The following DYSF variants were observed in gnomAD, a reference collection of about 807,000 sequenced individuals.
DYSF encodes the protein dysferlin.
Under a neutral mutation model 274.9 loss-of-function variants are expected in DYSF, and 212 were observed. The observed-to-expected ratio is 0.77, with a 90% CI of 0.69 to 0.86. DYSF has a LOEUF of 0.86. DYSF is among the 40% of genes least tolerant of loss of function. DYSF has a pLI of 0.00. For synonymous variants in DYSF, 1,091 were observed against 1,078.7 expected (o/e 1.01, Z -0.22); for missense variants, 2,666 against 2,783.2 (o/e 0.96, Z 0.95).
rs116099660 is a variant in DYSF, at chr2:71,565,452, G to A, written c.2565+1239G>A. On this transcript the variant is annotated intron_variant, in intron 24 of 55. Coordinates refer to ENST00000410020, the MANE Select transcript of DYSF (RefSeq NM_001130987.2). ...AGCATTCAAGGACTCCTCAGCCTAAGGCACCAGACTTTCATCCAGCCTAGT... is the reference window on the plus strand; with the variant it reads ...AGCATTCAAGGACTCCTCAGCCTAAAGCACCAGACTTTCATCCAGCCTAGT... Among the ~76,000 whole-genome samples, 1,043 of 152,152 alleles carry A rather than the reference G, an allele frequency of 6.9e-3. 16 individuals carry two copies. The highest frequency in any genetic ancestry group is 0.024 in the African/African-American group (990 of 41,510).
chr2:71,536,040 G>C (rs1410969270), intron 16 of DYSF, among the ~76,000 whole-genome samples: 1 of 152,180 alleles, frequency 6.6e-6, no homozygotes, highest in African/African-American at 2.4e-5. Context: ...ACCCAAGCCT[G>C]CTGTTTCCAA....
At chr2:71,460,221 C>G (rs565911429) in intron 1 of DYSF, among the ~76,000 whole-genome samples, 5 of 152,278 alleles carry the variant, frequency 3.3e-5, no homozygotes, top group Admixed American at 6.5e-5. Flanking sequence ...CCAGAAGTTC[C>G]CTTTGACAAC....
chr2:71,621,075 A>G (rs1449924712), intron 41 of DYSF, among the ~76,000 whole-genome samples: 1 of 152,078 alleles, frequency 6.6e-6, no homozygotes, highest in Admixed American at 6.5e-5. Context: ...TGGGGCCAAC[A>G]GTCTGCTCCT....
chr2:71,467,921 T>C (rs768974421), intron 1 of DYSF, among the ~76,000 whole-genome samples: 6 of 152,328 alleles, frequency 3.9e-5, no homozygotes, highest in Middle Eastern at 3.4e-3. Context: ...CTTTTCAGTC[T>C]GACCCATGAT....
chr2:71,492,709 C>G (rs867623481), intron 3 of DYSF, among the ~76,000 whole-genome samples: 2,173 of 115,122 alleles, frequency 0.019, 43 homozygotes, highest in South Asian at 0.08. Flanking sequence ...CCCCCCCCCC[C>G]TTTTCTTTCT....
intron 10 of DYSF, among the ~76,000 whole-genome samples, chr2:71,519,567 G>A (rs1194662122): frequency 6.6e-6 from 1 of 151,992 alleles, no homozygotes; most frequent in Non-Finnish European, 1.5e-5. Context: ...GTAAAACACA[G>A]GAAGGAATAA....
At position 71,616,723 on chromosome 2, in the gene DYSF, A is replaced by C. The variant is rs1303001470; in HGVS notation, c.4464+3313A>C. 3.3e-5 allele frequency among the ~76,000 whole-genome samples: 5 copies of C among 152,164 alleles called. No homozygotes were observed. The South Asian group carries it at 6.2e-4, about 19-fold the overall frequency. ...AAAATGATACGTGTTCATTATATAA[A>C]ATTTGGAAAATATAGAAAAATAATG... On this transcript the variant is annotated intron_variant, in intron 40 of 55. Coordinates refer to ENST00000410020, the MANE Select transcript of DYSF (RefSeq NM_001130987.2).
intron 1 of DYSF, among the ~76,000 whole-genome samples, chr2:71,474,557 A>G (rs552092029): frequency 8.5e-5 from 13 of 152,326 alleles, no homozygotes; most frequent in Admixed American, 7.2e-4. Context: ...CTAATTATCA[A>G]TGTGCCTTCC....
chr2:71,491,727 T>C (rs529475281), intron 3 of DYSF, among the ~76,000 whole-genome samples: 1 of 152,358 alleles, frequency 6.6e-6, no homozygotes, highest in African/African-American at 2.4e-5. Context: ...TCCATGTTCC[T>C]GCAAAGGACA....
intron 17 of DYSF, among the ~76,000 whole-genome samples, chr2:71,546,907 C>T (rs952270799): frequency 2.0e-5 from 3 of 152,172 alleles, no homozygotes; most frequent in Non-Finnish European, 2.9e-5. Flanking sequence ...ATGCATGTTC[C>T]GGGGACTGTG....
At chr2:71,661,156 CTG>C (rs2094874318) in intron 45 of DYSF, among the ~76,000 whole-genome samples, 1 of 146,208 alleles carries the variant, frequency 6.8e-6, no homozygotes, top group Non-Finnish European at 1.5e-5. Flanking sequence ...AAGTAGAAAT[CTG>C]TGTGTAAGCT....
chr2:71,643,953 C>T lies in DYSF; in HGVS notation c.4528-12C>T. On this transcript the variant is annotated splice_polypyrimidine_tract_variant and intron_variant, in intron 41 of 55. Transcript: ENST00000410020. Reference sequence around the variant, plus strand: ...TGTTTCTGAAATGGTCTCTTTCTTTCTACCCACTCAGGAGGAAGAGTTCAT... The same window carrying T: ...TGTTTCTGAAATGGTCTCTTTCTTTTTACCCACTCAGGAGGAAGAGTTCAT... 1 of 1,599,134 alleles carries T rather than the reference C, an allele frequency of 6.3e-7. No individual in the cohort carries two copies. Among genetic ancestry groups the T allele is most frequent in the African/African-American group, 1.3e-5 (1 of 74,856 alleles).
chr2:71,581,216 A>T (rs1340480507), intron 30 of DYSF, among the ~76,000 whole-genome samples: 3 of 152,228 alleles, frequency 2.0e-5, no homozygotes, highest in African/African-American at 7.2e-5. Flanking sequence ...ACACACGCAT[A>T]CACGCTCGCG....
At chr2:71,553,292 G>T in intron 20 of DYSF, 104 bp downstream of exon 20, 4 of 1,550,464 alleles carry the variant, frequency 2.6e-6, no homozygotes, top group Non-Finnish European at 3.5e-6. Flanking sequence ...TCTACTCAAA[G>T]GCCCTGGTCC....
At chr2:71,641,937 G>A (rs966740681) in intron 41 of DYSF, among the ~76,000 whole-genome samples, 1 of 152,142 alleles carries the variant, frequency 6.6e-6, no homozygotes, top group African/African-American at 2.4e-5. Context: ...GTGCTCCAAA[G>A]ATGCTGGAAA....
At chr2:71,542,203 G>A (rs1470548416) in intron 17 of DYSF, among the ~76,000 whole-genome samples, 1 of 152,122 alleles carries the variant, frequency 6.6e-6, no homozygotes, top group African/African-American at 2.4e-5. Flanking sequence ...ATAAAAGTAA[G>A]GTTCTTATAA....
At chr2:71,508,386 T>C (rs1320846603) in intron 4 of DYSF, among the ~76,000 whole-genome samples, 1 of 152,208 alleles carries the variant, frequency 6.6e-6, no homozygotes, top group Non-Finnish European at 1.5e-5. Flanking sequence ...CATCCATTTT[T>C]CCCAGTGTCC....
rs1340277369 is a variant in DYSF, at chr2:71,598,568, C to T, written c.3579C>T (p.Pro1193=). Residue 1193 remains proline (P), a synonymous_variant, in exon 33 of 56, where the codon CCC becomes CCT. Transcript: ENST00000410020. ...CCCCCTCTCCGGCCCATGCAGATCCCTATGCCATCGTCTCCTTCCTGCACC... is the reference window on the plus strand; with the variant it reads ...CCCCCTCTCCGGCCCATGCAGATCCTTATGCCATCGTCTCCTTCCTGCACC... ...AAMDKDSFSD[P]YAIVSFLHQS... The T allele has an allele frequency of 9.9e-6, 16 of 1,614,100 alleles. No homozygotes were observed. In the Admixed American group the frequency reaches 2.3e-4, roughly 24 times the overall value.
At chr2:71,467,642 G>C (rs1328863699) in intron 1 of DYSF, among the ~76,000 whole-genome samples, 1 of 152,072 alleles carries the variant, frequency 6.6e-6, no homozygotes, top group African/African-American at 2.4e-5. Context: ...CACTGGAGCG[G>C]GTGTCTCAGG....
Sources: gnomAD v4.1 joint callset for allele counts (sites outside exome capture counted in the v4.1 genomes callset) on GRCh38, gnomAD v4.1.1 for gene constraint, MANE v1.5 for transcripts, NCBI Gene and HGNC (gene_info 2026-07-23, HGNC 2026-07-21) for gene names.